TBC1D14: variants seen among roughly 807,000 people sequenced by gnomAD.
TBC1D14 encodes TBC1 domain family member 14, also known as TBC1 domain family, member 14.
Under a neutral mutation model 79.0 loss-of-function variants are expected in TBC1D14, and 26 were observed. The ratio of observed to expected loss-of-function variants is 0.33; its 90% CI spans 0.24 to 0.46. The LOEUF (loss-of-function observed/expected upper bound fraction) is 0.46, where lower values mean the gene tolerates loss of function less well. TBC1D14 is among the 20% of genes least tolerant of loss of function. The probability of loss-of-function intolerance (pLI) is 1.00; values close to 1 mark genes in which losing one functional copy is unlikely to be tolerated. For synonymous variants in TBC1D14, 394 were observed against 349.9 expected, an observed-to-expected ratio of 1.13 and a Z score of -1.40; for missense variants, 769 against 887.6, an observed-to-expected ratio of 0.87 and a Z score of 1.70.
At chr4:6,985,574 GAACA>G (rs1171369972) in intron 3 of TBC1D14, among the ~76,000 whole-genome samples, 9 of 152,168 alleles carry the variant, frequency 5.9e-5, no homozygotes, top group African/African-American at 1.2e-4. Context: ...AGATTTCAAT[GAACA>G]AACAAACTGG....
At chr4:6,971,569 C>T (rs749040783) in intron 3 of TBC1D14, among the ~76,000 whole-genome samples, 4 of 152,078 alleles carry the variant, frequency 2.6e-5, no homozygotes, top group Non-Finnish European at 5.9e-5. Flanking sequence ...TTGTTAACCT[C>T]GATGGTAGTT....
intron 11 of TBC1D14, among the ~76,000 whole-genome samples, 178 bp from the exon 12 acceptor site, chr4:7,014,270 T>G (rs1054804557): frequency 6.6e-6 from 1 of 152,240 alleles, no homozygotes; most frequent in African/African-American, 2.4e-5. Context: ...TTGTGAAGAT[T>G]AGAAATAGTG....
intron 2 of TBC1D14, among the ~76,000 whole-genome samples, chr4:6,949,126 A>T (rs1450767001): frequency 6.6e-6 from 1 of 151,822 alleles, no homozygotes; most frequent in African/African-American, 2.4e-5. Context: ...GTGAGCTGAG[A>T]TCTTGGCACT....
At chr4:6,958,740 A>G (rs563907245) in intron 2 of TBC1D14, among the ~76,000 whole-genome samples, 18 of 151,758 alleles carry the variant, frequency 1.2e-4, no homozygotes, top group Admixed American at 1.0e-3. Flanking sequence ...TGGCTTGAAC[A>G]GTCTTCTTAA....
intron 7 of TBC1D14, chr4:7,001,574 G>A (rs1221766885): frequency 1.1e-5 from 3 of 278,020 alleles, no homozygotes; most frequent in East Asian, 8.5e-5. Flanking sequence ...AGTGTGGAAG[G>A]GGCAGGTGGT....
intron 1 of TBC1D14, chr4:6,910,337 T>TCGGACCCTCAGTCCCCAGGCAG (rs1332487073): frequency 2.6e-5 from 4 of 152,152 alleles, no homozygotes; most frequent in Non-Finnish European, 5.9e-5. Flanking sequence ...CCCTTCCACC[T>TCGGACCCTCAGTCCCCAGGCAG]CGGACCCTCA....
intron 2 of TBC1D14, among the ~76,000 whole-genome samples, chr4:6,925,542 A>C (rs1443947269): frequency 1.3e-5 from 2 of 152,164 alleles, no homozygotes; most frequent in Non-Finnish European, 2.9e-5. Flanking sequence ...ATCATCTCGG[A>C]CCAGCCTAAG....
Position 7,007,949 on chromosome 4 carries a change from A to G in TBC1D14, c.1446+1223A>G, listed in dbSNP as rs192041068. 2.1e-3 allele frequency among the ~76,000 whole-genome samples: 319 copies of G among 152,350 alleles called. 9 individuals carry two copies. The highest frequency in any genetic ancestry group is 0.019 in the Admixed American group (292 of 15,306). On this transcript the variant is annotated intron_variant, in intron 9 of 13. Coordinates refer to ENST00000409757, the MANE Select transcript of TBC1D14 (RefSeq NM_020773.3). The stretch of plus-strand genomic sequence containing the variant: ...ATCCAGGAGAGGCAGCTTTCTGGAA[A>G]GGAGTTTTACCTTTGATTTCAAACA...
intron 5 of TBC1D14, among the ~76,000 whole-genome samples, chr4:6,997,603 G>A (rs1382469546): frequency 6.6e-6 from 1 of 152,122 alleles, no homozygotes; most frequent in Non-Finnish European, 1.5e-5. Flanking sequence ...TCCAGCCTGG[G>A]TGACAGAGCG....
intron 12 of TBC1D14, among the ~76,000 whole-genome samples, chr4:7,020,221 G>A (rs1721696970): frequency 6.6e-6 from 1 of 152,208 alleles, no homozygotes; most frequent in Admixed American, 6.5e-5. Context: ...ACACAGAGCT[G>A]GATATATGTC....
At chr4:6,917,075 G>T (rs1159413370) in intron 1 of TBC1D14, among the ~76,000 whole-genome samples, 1 of 152,174 alleles carries the variant, frequency 6.6e-6, no homozygotes, top group Non-Finnish European at 1.5e-5. Context: ...TCAGCTGCTG[G>T]TGTGCACTCT....
chr4:7,001,637 A>AT (rs34936651), intron 7 of TBC1D14, among the ~76,000 whole-genome samples: 5 of 151,852 alleles, frequency 3.3e-5, no homozygotes, highest in Non-Finnish European at 4.4e-5. Context: ...ATTTTGTGGG[A>AT]TTTTTTTTCA....
At chr4:6,971,321 C>T (rs527769601) in intron 3 of TBC1D14, among the ~76,000 whole-genome samples, 5 of 152,310 alleles carry the variant, frequency 3.3e-5, no homozygotes, top group South Asian at 2.1e-4. Flanking sequence ...GTGAGTCGCC[C>T]GGCGTTACTA....
chr4:6,954,378 G>A (rs749704462), intron 2 of TBC1D14: 21 of 717,322 alleles, frequency 2.9e-5, no homozygotes, highest in Non-Finnish European at 4.7e-5. Context: ...TGTTGGAACT[G>A]GAGACTTAAC....
chr4:6,913,160 T>A (rs1017772071), intron 1 of TBC1D14, among the ~76,000 whole-genome samples: 4 of 152,078 alleles, frequency 2.6e-5, no homozygotes, highest in Non-Finnish European at 4.4e-5. Flanking sequence ...CATGCCTGGC[T>A]AATTTTGTAT....
In TBC1D14 at chr4:7,016,604, A is replaced by G. The variant is rs55795905; in HGVS notation, c.1757+2047A>G. 6.1e-3 allele frequency among the ~76,000 whole-genome samples: 929 copies of G among 152,350 alleles called. 8 individuals are homozygous for G. The highest frequency in any genetic ancestry group is 0.021 in the African/African-American group (884 of 41,580). On this transcript the variant is annotated intron_variant, in intron 12 of 13. Coordinates refer to ENST00000409757, the MANE Select transcript of TBC1D14 (RefSeq NM_020773.3). ...TTTCCCACCTTTACTTGCAAAAGGA[A>G]ATGTGTTTTAAATTGTGACCCAATG...
At chr4:6,957,778 C>T (rs1220430290) in intron 2 of TBC1D14, among the ~76,000 whole-genome samples, 1 of 152,178 alleles carries the variant, frequency 6.6e-6, no homozygotes, top group Non-Finnish European at 1.5e-5. Flanking sequence ...TGGAATAAGC[C>T]TGTAGTCCCA....
Position 7,014,550 on chromosome 4 carries a change from A to T in TBC1D14, c.1750A>T (p.Ile584Phe). The T allele has an allele frequency of 3.7e-6, 6 of 1,604,888 alleles. No individual in the cohort carries two copies. The highest frequency in any genetic ancestry group is 5.1e-6 in the Non-Finnish European group (6 of 1,171,808). ...KNNLTPDIYL[I>F]DWIFTLYSKS... The stretch of plus-strand genomic sequence containing the variant: ...CAACCTAACTCCAGATATCTACCTA[A>T]TTGATTGGTAAGACTGGCTTTTCCC... Residue 584 changes from isoleucine (I) to phenylalanine (F), a missense_variant, in exon 12 of 14, where the codon ATT becomes TTT. This residue lies in a region of TBC1D14 where 367 missense variants were observed against 494.4 expected (regional missense o/e 0.74). Coordinates refer to ENST00000409757, the MANE Select transcript of TBC1D14 (RefSeq NM_020773.3).
intron 5 of TBC1D14, chr4:6,998,783 C>T (rs1360422477): frequency 4.0e-6 from 1 of 249,878 alleles, no homozygotes; most frequent in Non-Finnish European, 7.9e-6. Context: ...AGGTGATCCA[C>T]CCGCCTTGGC....
Sources: gnomAD v4.1 joint callset for allele counts (sites outside exome capture counted in the v4.1 genomes callset) on GRCh38, gnomAD v4.1.1 for gene constraint, gnomAD v4.1.1 regional missense constraint, MANE v1.5 for transcripts, NCBI Gene and HGNC (gene_info 2026-07-23, HGNC 2026-07-21) for gene names.